The following ALK variants were observed in gnomAD, a reference collection of about 807,000 sequenced individuals.
ALK encodes ALK receptor tyrosine kinase.
Under a neutral mutation model 163.1 loss-of-function variants are expected in ALK, and 74 were observed. The ratio of observed to expected loss-of-function variants is 0.45; its 90% CI spans 0.38 to 0.55. The LOEUF is 0.55. Among genes scored for constraint, ALK ranks in the 20% least tolerant of loss-of-function variants. The pLI is 0.00. For synonymous variants in ALK, 960 were observed against 843.2 expected (o/e 1.14, Z -2.40); for missense variants, 2,063 against 2,105.3 (o/e 0.98, Z 0.39).
At chr2:29,225,618 G>A (rs1573129203) in intron 18 of ALK, 53 bp from the exon 19 acceptor site, 15 of 1,477,568 alleles carry the variant, frequency 1.0e-5, no homozygotes, top group Non-Finnish European at 1.4e-5. Context: ...TCTCCTTTGA[G>A]TTGGTCCCAA....
At chr2:29,378,174 A>G (rs1668804688) in intron 5 of ALK, among the ~76,000 whole-genome samples, 1 of 152,294 alleles carries the variant, frequency 6.6e-6, no homozygotes, top group Admixed American at 6.5e-5. Context: ...GGTCCATTTC[A>G]ACTGCCTCTG....
chr2:29,884,497 C>T (rs866858563), intron 1 of ALK, among the ~76,000 whole-genome samples: 8 of 152,140 alleles, frequency 5.3e-5, no homozygotes, highest in African/African-American at 9.7e-5. Context: ...GCTGTGGCTA[C>T]ACCTGCAGGC....
intron 5 of ALK, among the ~76,000 whole-genome samples, chr2:29,366,381 C>G (rs561770053): frequency 7.9e-5 from 12 of 152,096 alleles, no homozygotes; most frequent in African/African-American, 2.4e-4. Flanking sequence ...AGCACTGGAC[C>G]GCTTTGGTAG....
At chr2:29,671,332 C>G (rs865927779) in intron 3 of ALK, among the ~76,000 whole-genome samples, 3 of 152,044 alleles carry the variant, frequency 2.0e-5, no homozygotes, top group Non-Finnish European at 2.9e-5. Context: ...GCCCAGGGAA[C>G]CTGTGAAATG....
At chr2:29,242,751 C>T (rs1228528421) in intron 12 of ALK, among the ~76,000 whole-genome samples, 1 of 152,198 alleles carries the variant, frequency 6.6e-6, no homozygotes, top group Non-Finnish European at 1.5e-5. Flanking sequence ...GCATACAAAG[C>T]GAATTTGAGA....
chr2:29,408,114 G>A (rs563023600), intron 4 of ALK, among the ~76,000 whole-genome samples: 4 of 142,836 alleles, frequency 2.8e-5, no homozygotes, highest in African/African-American at 8.1e-5. Context: ...ATGGAGTCTC[G>A]CTCTGTCACC....
intron 3 of ALK, among the ~76,000 whole-genome samples, chr2:29,616,694 A>G (rs1432750244): frequency 6.6e-6 from 1 of 152,188 alleles, no homozygotes; most frequent in Non-Finnish European, 1.5e-5. Flanking sequence ...GACTCCTCCT[A>G]ACTCTGTCTT....
At chr2:29,631,170 T>C (rs1373071736) in intron 3 of ALK, among the ~76,000 whole-genome samples, 1 of 152,258 alleles carries the variant, frequency 6.6e-6, no homozygotes, top group Non-Finnish European at 1.5e-5. Flanking sequence ...GTCATAGATA[T>C]CGCTCATTTT....
intron 3 of ALK, among the ~76,000 whole-genome samples, chr2:29,614,018 G>A (rs946532338): frequency 1.3e-5 from 2 of 152,080 alleles, no homozygotes; most frequent in Admixed American, 6.5e-5. Context: ...CACTGATCCT[G>A]TCCAGACAGC....
At chr2:29,762,486 G>A (rs1191837027) in intron 1 of ALK, among the ~76,000 whole-genome samples, 2 of 152,194 alleles carry the variant, frequency 1.3e-5, no homozygotes, top group African/African-American at 4.8e-5. Context: ...ATATATTGTG[G>A]AACAACTTGT....
rs1274466845 is a variant in ALK at position 29,501,996 on chromosome 2, C to CA, written c.1154+29918dup. On this transcript the variant is annotated intron_variant, in intron 4 of 28. Transcript: ENST00000389048. ...GGTTCACACACATTGTAGCAGGTGTCAGAATTTCCTTCCTTTCCAAGGTTG... is the reference window on the plus strand; with the variant it reads ...GGTTCACACACATTGTAGCAGGTGTCAAGAATTTCCTTCCTTTCCAAGGTTG... Among the ~76,000 whole-genome samples the CA allele has an allele frequency of 4.6e-5, 7 of 152,316 alleles. 1 individual carries two copies. Among genetic ancestry groups the CA allele is most frequent in the Admixed American group, 4.6e-4 (7 of 15,310 alleles).
intron 1 of ALK, among the ~76,000 whole-genome samples, chr2:29,757,177 G>A (rs1680561247): frequency 6.6e-6 from 1 of 152,180 alleles, no homozygotes; most frequent in Non-Finnish European, 1.5e-5. Context: ...ATGGCCAGAA[G>A]ACCACAATAG....
chr2:29,885,623 G>C (rs943492270), intron 1 of ALK, among the ~76,000 whole-genome samples: 2 of 150,848 alleles, frequency 1.3e-5, no homozygotes, highest in Non-Finnish European at 2.9e-5. Context: ...AGAAGTTCAA[G>C]AGCTAATAGA....
intron 3 of ALK, among the ~76,000 whole-genome samples, chr2:29,613,131 C>T (rs750462658): frequency 3.3e-5 from 5 of 152,194 alleles, no homozygotes; most frequent in Admixed American, 6.5e-5. Flanking sequence ...ATTGTTTACT[C>T]ATAAGTGTTC....
chr2:29,590,557 G>A (rs1675019324), intron 3 of ALK, among the ~76,000 whole-genome samples: 1 of 152,016 alleles, frequency 6.6e-6, no homozygotes, highest in Admixed American at 6.6e-5. Context: ...ATCTGATAAG[G>A]TTTCTCATCT....
At chr2:29,770,403 G>T (rs962732575) in intron 1 of ALK, among the ~76,000 whole-genome samples, 11 of 152,178 alleles carry the variant, frequency 7.2e-5, no homozygotes, top group Non-Finnish European at 1.2e-4. Context: ...CAGATGACAC[G>T]TCCCAACAAC....
At chr2:29,867,992 G>T (rs550426061) in intron 1 of ALK, among the ~76,000 whole-genome samples, 1 of 152,184 alleles carries the variant, frequency 6.6e-6, no homozygotes, top group Non-Finnish European at 1.5e-5. Context: ...CTGCATAATC[G>T]GGTGGAGAGC....
intron 5 of ALK, among the ~76,000 whole-genome samples, chr2:29,332,818 C>CT (rs1483032303): frequency 1.3e-5 from 2 of 152,192 alleles, no homozygotes; most frequent in East Asian, 1.9e-4. Flanking sequence ...TGAAGAATAT[C>CT]TTTGAGCGTA....
At chr2:29,296,775 G>C in intron 9 of ALK, 113 bp downstream of exon 9, 1 of 1,271,282 alleles carries the variant, frequency 7.9e-7, no homozygotes, top group South Asian at 1.2e-5. Context: ...CGGTGTGTGG[G>C]CACATCTGCA....
Sources: gnomAD v4.1 joint callset for allele counts (sites outside exome capture counted in the v4.1 genomes callset) on GRCh38, gnomAD v4.1.1 for gene constraint, MANE v1.5 for transcripts, NCBI Gene and HGNC (gene_info 2026-07-23, HGNC 2026-07-21) for gene names.